The following ATG7 variants were observed in gnomAD, a reference collection of about 807,000 sequenced individuals.
The protein encoded by ATG7 is ubiquitin-like modifier-activating enzyme ATG7.
A neutral mutation model predicts 82.4 loss-of-function variants in ATG7; 70 were observed. The ratio of observed to expected loss-of-function variants is 0.85; its 90% CI spans 0.70 to 1.04. The LOEUF is 1.04. ATG7 is among the 50% of genes least tolerant of loss of function. The probability of loss-of-function intolerance (pLI) is 0.00; values close to 1 mark genes in which losing one functional copy is unlikely to be tolerated. For synonymous variants in ATG7, 287 were observed against 313.0 expected, an observed-to-expected ratio of 0.92 and a Z score of 0.88; for missense variants, 792 against 864.3, an observed-to-expected ratio of 0.92 and a Z score of 1.05.
intron 3 of ATG7, chr3:11,290,487 A>G (rs759515345): frequency 1.3e-5 from 4 of 313,024 alleles, no homozygotes; most frequent in South Asian, 2.5e-5. Flanking sequence ...CTGCAGCCTC[A>G]TGGCCTGTTT....
intron 19 of ATG7, among the ~76,000 whole-genome samples, chr3:11,381,573 G>A (rs2065001914): frequency 6.6e-6 from 1 of 152,182 alleles, no homozygotes; most frequent in African/African-American, 2.4e-5. Flanking sequence ...TACTTTAAAA[G>A]AGAATAGCTT....
At chr3:11,540,745 GTTGTC>G (rs1398984576) in intron 20 of ATG7, among the ~76,000 whole-genome samples, 1 of 151,868 alleles carries the variant, frequency 6.6e-6, no homozygotes, top group Non-Finnish European at 1.5e-5. Flanking sequence ...TTTTCTTGAT[GTTGTC>G]TTTAAGAGAG....
At chr3:11,399,111 G>A (rs2079569320) in intron 19 of ATG7, among the ~76,000 whole-genome samples, 1 of 152,222 alleles carries the variant, frequency 6.6e-6, no homozygotes, top group Non-Finnish European at 1.5e-5. Flanking sequence ...ACTTGGGGAG[G>A]CTGAGATAGG....
intron 9 of ATG7, among the ~76,000 whole-genome samples, chr3:11,318,045 G>C (rs1470890859): frequency 6.6e-6 from 1 of 152,176 alleles, no homozygotes; most frequent in African/African-American, 2.4e-5. Context: ...CTGAGCACAT[G>C]GTAGATGCTC....
At chr3:11,319,170 C>T (rs561943411) in intron 9 of ATG7, among the ~76,000 whole-genome samples, 51 of 152,256 alleles carry the variant, frequency 3.3e-4, no homozygotes, top group African/African-American at 6.0e-4. Context: ...GGGGCAGGGC[C>T]GAACCCTAGA....
downstream of ATG7, chr3:11,558,897 C>A (rs770273717): frequency 8.2e-5 from 128 of 1,555,934 alleles, no homozygotes; most frequent in Non-Finnish European, 1.0e-4. Flanking sequence ...GTTGCAGCAC[C>A]CTCCCTCAGG....
chr3:11,439,204 G>A lies in ATG7; in HGVS notation c.2079+12278G>A, dbSNP rs559557425. On this transcript the variant is annotated intron_variant, in intron 20 of 20. Transcript: ENST00000693202. ...CTGCCTCAGCCTCCCGAGTAGCAGG[G>A]ACTACAGGCGCCCACCACCACGCCC... Among the ~76,000 whole-genome samples, 6 of 151,766 alleles carry A rather than the reference G, an allele frequency of 4.0e-5. No individual in the cohort carries two copies. In the South Asian group the frequency reaches 1.3e-3, roughly 32 times the overall value.
intron 18 of ATG7, among the ~76,000 whole-genome samples, chr3:11,367,319 T>TTGGTAAACTC (rs1211957030): frequency 6.6e-5 from 10 of 152,176 alleles, no homozygotes; most frequent in Non-Finnish European, 1.5e-5. Flanking sequence ...GGAGAGGAAC[T>TTGGTAAACTC]TGGTAAACTC....
At chr3:11,399,478 TTATTA>T (rs2079608818) in intron 19 of ATG7, among the ~76,000 whole-genome samples, 1 of 152,102 alleles carries the variant, frequency 6.6e-6, no homozygotes, top group Admixed American at 6.5e-5. Context: ...AGTAGAGAAA[TTATTA>T]TATAAGTCGC....
At chr3:11,441,759 C>T (rs567340193) in intron 20 of ATG7, among the ~76,000 whole-genome samples, 9 of 151,082 alleles carry the variant, frequency 6.0e-5, no homozygotes, top group African/African-American at 1.7e-4. Context: ...CTCTGCCTCC[C>T]GGGTTCAAGC....
At chr3:11,400,650 C>T (rs564992539) in intron 19 of ATG7, among the ~76,000 whole-genome samples, 1 of 152,030 alleles carries the variant, frequency 6.6e-6, no homozygotes, top group Non-Finnish European at 1.5e-5. Flanking sequence ...CAAACCTGTA[C>T]CTGGGATATG....
At chr3:11,471,215 C>G (rs1158021189) in intron 20 of ATG7, among the ~76,000 whole-genome samples, 1 of 152,192 alleles carries the variant, frequency 6.6e-6, no homozygotes, top group Non-Finnish European at 1.5e-5. Context: ...AGCTCTTCAG[C>G]ATGGCAGCGG....
At chr3:11,514,624 C>A (rs1316941273) in intron 20 of ATG7, among the ~76,000 whole-genome samples, 1 of 152,222 alleles carries the variant, frequency 6.6e-6, no homozygotes. Context: ...GTTGAGATGA[C>A]CAAAGCTCAG....
At chr3:11,405,067 G>C (rs1287334920) in intron 19 of ATG7, among the ~76,000 whole-genome samples, 4 of 152,038 alleles carry the variant, frequency 2.6e-5, no homozygotes, top group Admixed American at 2.0e-4. Flanking sequence ...TTGGCTTATT[G>C]TTACTTCAGC....
chr3:11,448,077 T>A (rs917194735), intron 20 of ATG7, among the ~76,000 whole-genome samples: 1 of 152,186 alleles, frequency 6.6e-6, no homozygotes, highest in African/African-American at 2.4e-5. Flanking sequence ...CCCAGATTTG[T>A]CCCCAAGCTT....
chr3:11,281,729 G>A lies in ATG7; in HGVS notation c.-256-464G>A, dbSNP rs192394566. Reference sequence around the variant, plus strand: ...GCAGAGGTTGCAGTGAGCCGAGATCGTGCCATTGCACTCTAACCTGGGCAA... The same window carrying A: ...GCAGAGGTTGCAGTGAGCCGAGATCATGCCATTGCACTCTAACCTGGGCAA... On this transcript the variant is annotated intron_variant, in intron 2 of 20. Coordinates refer to ENST00000693202, the MANE Select transcript of ATG7 (RefSeq NM_001349232.2). Among the ~76,000 whole-genome samples the A allele has an allele frequency of 1.6e-3, 244 of 150,196 alleles. 2 individuals are homozygous for A. Among genetic ancestry groups the A allele is most frequent in the African/African-American group, 5.7e-3 (233 of 40,808 alleles).
intron 20 of ATG7, among the ~76,000 whole-genome samples, chr3:11,450,566 C>T (rs545373791): frequency 1.3e-5 from 2 of 152,318 alleles, no homozygotes; most frequent in Admixed American, 6.5e-5. Context: ...TCCATAAGTA[C>T]ATGGGAGACA....
At chr3:11,496,270 C>T (rs778626930) in intron 20 of ATG7, among the ~76,000 whole-genome samples, 7 of 152,212 alleles carry the variant, frequency 4.6e-5, no homozygotes, top group Non-Finnish European at 7.3e-5. Flanking sequence ...CTCCTCACAC[C>T]GGTGCTTTTG....
In ATG7 at chr3:11,554,946, T is replaced by A; in HGVS notation, c.*103T>A. The A allele has an allele frequency of 1.4e-6, 2 of 1,418,518 alleles. No individual in the cohort carries two copies. The highest frequency in any genetic ancestry group is 1.9e-6 in the Non-Finnish European group (2 of 1,049,250). The allele number at this position is 1,418,518 out of a possible 1,614,324, so 87.9% of individuals were successfully genotyped here. A position where few individuals can be genotyped will look rare whatever the true frequency, so the allele number is the denominator to read the frequency against. On this transcript the variant is annotated 3_prime_UTR_variant, in exon 21 of 21. Transcript: ENST00000693202. The stretch of plus-strand genomic sequence containing the variant: ...CCCAGGCCTGGTGATTCTGGGCCCC[T>A]CCTCCATACCCCGAGGTCTGGGATT...
Sources: allele counts gnomAD v4.1 joint callset (sites outside exome capture counted in the v4.1 genomes callset), GRCh38; gene constraint gnomAD v4.1.1; transcripts MANE v1.5; gene names NCBI Gene and HGNC (gene_info 2026-07-23, HGNC 2026-07-21).